LRRTM4: variants seen among roughly 807,000 people sequenced by gnomAD.
The protein encoded by LRRTM4 is leucine rich repeat transmembrane neuronal 4.
LRRTM4 carries 25 observed loss-of-function variants against 47.6 expected under a neutral mutation model. That is an observed-to-expected ratio of 0.53 (90% CI 0.38 to 0.73). The LOEUF is 0.73. LRRTM4 is among the 30% of genes least tolerant of loss of function. LRRTM4 has a pLI of 0.00. For synonymous variants in LRRTM4, 311 were observed against 269.5 expected, an observed-to-expected ratio of 1.15 and a Z score of -1.51; for missense variants, 638 against 713.4, an observed-to-expected ratio of 0.89 and a Z score of 1.20.
At chr2:77,100,671 C>A (rs1007571161) in intron 3 of LRRTM4, among the ~76,000 whole-genome samples, 1 of 152,018 alleles carries the variant, frequency 6.6e-6, no homozygotes, top group Admixed American at 6.6e-5. Flanking sequence ...TGGGAAAAAT[C>A]ATTGAGGCAA....
At chr2:77,338,271 C>T (rs965328594) in intron 3 of LRRTM4, among the ~76,000 whole-genome samples, 2 of 151,940 alleles carry the variant, frequency 1.3e-5, no homozygotes, top group African/African-American at 4.8e-5. Context: ...AGCTTCTGCA[C>T]AGCAAACAAA....
chr2:77,344,822 G>A (rs376078681), intron 3 of LRRTM4, among the ~76,000 whole-genome samples: 11 of 151,148 alleles, frequency 7.3e-5, no homozygotes, highest in African/African-American at 1.7e-4. Context: ...GTCTCTCTGC[G>A]ACCCACAGAG....
At chr2:76,938,014 T>C (rs540778689) in intron 3 of LRRTM4, among the ~76,000 whole-genome samples, 10 of 152,268 alleles carry the variant, frequency 6.6e-5, no homozygotes, top group Admixed American at 6.5e-4. Context: ...GATTTTCCTT[T>C]TAAATACCCT....
chr2:77,380,720 C>T (rs1006769961), intron 3 of LRRTM4, among the ~76,000 whole-genome samples: 5 of 151,548 alleles, frequency 3.3e-5, no homozygotes, highest in Non-Finnish European at 5.9e-5. Flanking sequence ...CGCTTGAACC[C>T]GGGAGGCAGA....
intron 3 of LRRTM4, among the ~76,000 whole-genome samples, chr2:77,429,438 C>G (rs1270667168): frequency 6.6e-6 from 1 of 151,954 alleles, no homozygotes; most frequent in African/African-American, 2.4e-5. Context: ...AGCCAAGAAA[C>G]AGAATCAACC....
intron 3 of LRRTM4, among the ~76,000 whole-genome samples, chr2:77,022,129 C>T (rs1416674437): frequency 6.6e-6 from 1 of 152,064 alleles, no homozygotes; most frequent in African/African-American, 2.4e-5. Flanking sequence ...GGTGAAAGTA[C>T]TTCTTACATG....
At chr2:77,072,731 G>A (rs1680195354) in intron 3 of LRRTM4, among the ~76,000 whole-genome samples, 1 of 147,794 alleles carries the variant, frequency 6.8e-6, no homozygotes, top group Admixed American at 6.9e-5. Flanking sequence ...CCCTGGAGAT[G>A]GAGGTTGCAG....
chr2:76,774,720 T>C (rs1187859895), intron 3 of LRRTM4, among the ~76,000 whole-genome samples: 2 of 152,146 alleles, frequency 1.3e-5, no homozygotes, highest in African/African-American at 2.4e-5. Context: ...TCCGTGTAAC[T>C]TTATGGAAAC....
At chr2:76,838,619 A>G (rs1273630718) in intron 3 of LRRTM4, among the ~76,000 whole-genome samples, 1 of 152,054 alleles carries the variant, frequency 6.6e-6, no homozygotes, top group Non-Finnish European at 1.5e-5. Context: ...CTCTACTTGA[A>G]GTTGCTATTA....
At chr2:77,420,476 T>C (rs551163030) in intron 3 of LRRTM4, among the ~76,000 whole-genome samples, 1 of 152,162 alleles carries the variant, frequency 6.6e-6, no homozygotes, top group African/African-American at 2.4e-5. Context: ...CCACCACAAG[T>C]ATAAAACAAA....
At chr2:77,438,742 C>A (rs573097053) in intron 3 of LRRTM4, among the ~76,000 whole-genome samples, 3 of 152,248 alleles carry the variant, frequency 2.0e-5, no homozygotes, top group African/African-American at 4.8e-5. Flanking sequence ...TTAAAAAATT[C>A]TTTTCAGAAA....
intron 3 of LRRTM4, among the ~76,000 whole-genome samples, chr2:77,027,195 C>T (rs1342888685): frequency 1.3e-5 from 2 of 152,048 alleles, no homozygotes; most frequent in African/African-American, 4.8e-5. Flanking sequence ...TGTTAGATTA[C>T]TTTTTATTTA....
intron 3 of LRRTM4, among the ~76,000 whole-genome samples, chr2:77,002,850 A>G (rs1008808106): frequency 1.3e-4 from 19 of 151,990 alleles, no homozygotes; most frequent in Admixed American, 1.2e-3. Context: ...TCTTCATCAC[A>G]TTGTCCTGTT....
chr2:77,300,429 T>C (rs527581991), intron 3 of LRRTM4, among the ~76,000 whole-genome samples: 9 of 152,288 alleles, frequency 5.9e-5, no homozygotes, highest in Admixed American at 2.6e-4. Context: ...GAACCTAGGA[T>C]TGAGACTGAG....
intron 3 of LRRTM4, among the ~76,000 whole-genome samples, chr2:77,188,289 C>A (rs947853624): frequency 6.6e-6 from 1 of 152,152 alleles, no homozygotes; most frequent in Admixed American, 6.6e-5. Flanking sequence ...CGATATTTCC[C>A]CTCTATGGGG....
intron 3 of LRRTM4, among the ~76,000 whole-genome samples, chr2:77,238,665 T>C (rs1259965874): frequency 6.6e-6 from 1 of 151,898 alleles, no homozygotes. Flanking sequence ...TCAAACTCCT[T>C]AAAACCAAAG....
intron 3 of LRRTM4, among the ~76,000 whole-genome samples, chr2:77,193,629 G>T (rs1266821315): frequency 6.6e-6 from 1 of 151,954 alleles, no homozygotes; most frequent in East Asian, 1.9e-4. Flanking sequence ...GGCCAACATG[G>T]TGAAACCCCG....
chr2:77,222,871 T>C (rs559293929), intron 3 of LRRTM4, among the ~76,000 whole-genome samples: 69 of 152,206 alleles, frequency 4.5e-4, no homozygotes, highest in African/African-American at 1.3e-3. Flanking sequence ...GTCAGCATCA[T>C]CCTGATACCA....
At chr2:77,518,292 G>A (rs749810384) in intron 3 of LRRTM4, 26 bp downstream of exon 3, 5 of 1,560,322 alleles carry the variant, frequency 3.2e-6, no homozygotes, top group Non-Finnish European at 4.3e-6. Context: ...CAGTAGAAAT[G>A]CTTTTAGGAG....
Sources: allele counts gnomAD v4.1 joint callset (sites outside exome capture counted in the v4.1 genomes callset), GRCh38; gene constraint gnomAD v4.1.1; transcripts MANE v1.5; gene names NCBI Gene and HGNC (gene_info 2026-07-23, HGNC 2026-07-21).